MED6: variants seen among roughly 807,000 people sequenced by gnomAD.
MED6 encodes mediator of RNA polymerase II transcription subunit 6.
Under a neutral mutation model 37.5 loss-of-function variants are expected in MED6, and 33 were observed. That is an observed-to-expected ratio of 0.88 (90% CI 0.67 to 1.18). The LOEUF (loss-of-function observed/expected upper bound fraction) is 1.18, where lower values mean the gene tolerates loss of function less well. Ranked by LOEUF, MED6 falls within the 50% of genes most tolerant of loss-of-function variation. MED6 has a pLI of 0.00. For missense variants in MED6, 235 were observed against 290.6 expected, an observed-to-expected ratio of 0.81 and a Z score of 1.39; for synonymous variants, 94 against 93.6, an observed-to-expected ratio of 1.00 and a Z score of -0.02.
chr14:70,587,776 A>G lies in MED6; in HGVS notation c.583-1993T>C, dbSNP rs566729366. On this transcript the variant is annotated intron_variant, in intron 6 of 7. Transcript: ENST00000256379. Reference sequence around the variant, plus strand: ...ATAATCCTAGTTGAAGTAATATCCTATGGTATTCTAGCAGCTTCTAAAACC... The same window carrying G: ...ATAATCCTAGTTGAAGTAATATCCTGTGGTATTCTAGCAGCTTCTAAAACC... 1.9e-3 allele frequency among the ~76,000 whole-genome samples: 289 copies of G among 152,354 alleles called. 1 individual carries two copies. Among genetic ancestry groups the G allele is most frequent in the African/African-American group, 6.7e-3 (278 of 41,574 alleles).
At chr14:70,589,452 C>T (rs1884808627) in intron 6 of MED6, among the ~76,000 whole-genome samples, 1 of 152,154 alleles carries the variant, frequency 6.6e-6, no homozygotes, top group Non-Finnish European at 1.5e-5. Context: ...GGGTCCTTAT[C>T]ACCATCAGCA....
rs1320493011 is a variant in MED6 at position 70,597,789 on chromosome 14, A to G, written c.23-12T>C. The G allele has an allele frequency of 6.5e-7, 1 of 1,535,032 alleles. No homozygotes were observed. Among genetic ancestry groups the G allele is most frequent in the East Asian group, 2.5e-5 (1 of 40,198 alleles). ...TCCCAGCAGATTGTCTATGGGAAAG[A>G]AAACAAAATGATAAAGGATTAGAAA... On this transcript the variant is annotated splice_polypyrimidine_tract_variant and intron_variant, in intron 1 of 7. Coordinates refer to ENST00000256379, the MANE Select transcript of MED6 (RefSeq NM_005466.4).
At chr14:70,596,278 T>G in intron 3 of MED6, 1 of 208,786 alleles carries the variant, frequency 4.8e-6, no homozygotes, top group Non-Finnish European at 9.8e-6. Flanking sequence ...TGCAGCTGCA[T>G]TTCACTGCTG....
intron 1 of MED6, among the ~76,000 whole-genome samples, chr14:70,598,748 G>A (rs1394091773): frequency 6.6e-6 from 1 of 151,482 alleles, no homozygotes; most frequent in Admixed American, 6.6e-5. Context: ...TTTTTTATTG[G>A]AAATCCTTAA....
At chr14:70,596,477 G>A in intron 3 of MED6, 134 bp downstream of exon 3, 1 of 625,396 alleles carries the variant, frequency 1.6e-6, no homozygotes, top group East Asian at 2.8e-5. Flanking sequence ...GAGTCCTCCA[G>A]CATAGTACTG....
At position 70,595,625 on chromosome 14, in the gene MED6, C is replaced by T. The variant is rs190885921; in HGVS notation, c.274+986G>A. 3.4e-4 allele frequency: 296 copies of T among 876,892 alleles called. 3 individuals are homozygous for T. The East Asian group carries it at 6.3e-3, about 19-fold the overall frequency. 54.3% of individuals were successfully genotyped at this position (876,892 alleles called of 1,614,324 possible). ...AGAGGCAGCACCAGGCCCAGGAGTA[C>T]AAGGCCCTGCTGAACATCAAGGTCA... On this transcript the variant is annotated intron_variant, in intron 3 of 7. Coordinates refer to ENST00000256379, the MANE Select transcript of MED6 (RefSeq NM_005466.4).
At chr14:70,594,796 C>A in intron 3 of MED6, 1 of 591,060 alleles carries the variant, frequency 1.7e-6, no homozygotes, top group South Asian at 1.5e-5. Context: ...AGGAGGAGAC[C>A]ATGCAAAGCC....
In MED6 at chr14:70,584,771, A is replaced by G. The variant is rs1340385471; in HGVS notation, c.*42T>C. 5.0e-6 allele frequency: 8 copies of G among 1,598,968 alleles called. No individual in the cohort carries two copies. Among genetic ancestry groups the G allele is most frequent in the South Asian group, 1.1e-5 (1 of 88,056 alleles). On this transcript the variant is annotated 3_prime_UTR_variant, in exon 8 of 8. Coordinates refer to ENST00000256379, the MANE Select transcript of MED6 (RefSeq NM_005466.4). ...AGAGCCACAGTACTGAGGTATGATA[A>G]CTAGCATGAGGAGTCTTCCAGGCTT...
intron 3 of MED6, among the ~76,000 whole-genome samples, chr14:70,593,836 G>A (rs1038073578): frequency 1.3e-5 from 2 of 152,174 alleles, no homozygotes; most frequent in Non-Finnish European, 2.9e-5. Flanking sequence ...AGACTGGGGG[G>A]TCCAGTGTAA....
rs1885085886 is a variant in MED6, at chr14:70,597,739, T to C, written c.61A>G (p.Ile21Val). The part of the protein sequence containing the change: ...LGISWVDSSW[I>V]PILNSGSVLD... ...ACACTACCACTGTTCAAAATAGGGA[T>C]CCAAGAGCTGTCAACCCAAGAAATT... is the stretch of plus-strand genomic sequence containing the variant. Residue 21 changes from isoleucine to valine, a missense_variant, in exon 2 of 8, where the codon ATC (isoleucine) becomes GTC (valine). Coordinates refer to ENST00000256379, the MANE Select transcript of MED6 (RefSeq NM_005466.4). 1 of 1,554,530 alleles carries C rather than the reference T, an allele frequency of 6.4e-7. No homozygotes were observed.
At chr14:70,596,457 T>A (rs1283002504) in intron 3 of MED6, 154 bp downstream of exon 3, 1 of 557,824 alleles carries the variant, frequency 1.8e-6, no homozygotes, top group Non-Finnish European at 3.2e-6. Flanking sequence ...AACCATATGC[T>A]AAGTCTGGTG....
Position 70,587,281 on chromosome 14 carries a change from T to C in MED6, c.583-1498A>G, listed in dbSNP as rs931624193. ...GTCCTTTTCCCTTATGATCTGGCTA[T>C]ATACATCCTTGCTATATTATAGCAA... On this transcript the variant is annotated intron_variant, in intron 6 of 7. Transcript: ENST00000256379. Among the ~76,000 whole-genome samples the C allele has an allele frequency of 7.2e-5, 11 of 152,118 alleles. No individual in the cohort carries two copies. In the East Asian group the frequency reaches 1.5e-3, roughly 21 times the overall value.
chr14:70,598,335 C>A (rs560550529), intron 1 of MED6, among the ~76,000 whole-genome samples: 3 of 152,148 alleles, frequency 2.0e-5, no homozygotes, highest in African/African-American at 7.2e-5. Flanking sequence ...ATTAGCCGGG[C>A]ATGGTGGTGG....
At position 70,584,200 on chromosome 14, in the gene MED6, T is replaced by C. The variant is rs1047475044; in HGVS notation, c.*613A>G. ...ATGTCTTCAAAGTGCATCTGAAAAA[T>C]ATCAGTTATGATGAAGAAAAAAGTC... On this transcript the variant is annotated 3_prime_UTR_variant, in exon 8 of 8. Coordinates refer to ENST00000256379, the MANE Select transcript of MED6 (RefSeq NM_005466.4). 1 of 750,460 alleles carries C rather than the reference T, an allele frequency of 1.3e-6. No individual in the cohort carries two copies. The allele number at this position is 750,460 out of a possible 1,614,324, so 46.5% of individuals were successfully genotyped here.
chr14:70,594,819 G>T, intron 3 of MED6: 1 of 634,746 alleles, frequency 1.6e-6, no homozygotes, highest in Non-Finnish European at 2.9e-6. Context: ...AACCTACCCT[G>T]GTTCAATGCC....
intron 7 of MED6, 84 bp downstream of exon 7, chr14:70,585,672 T>G (rs959851826): frequency 1.6e-6 from 2 of 1,216,478 alleles, no homozygotes; most frequent in African/African-American, 3.2e-5. Flanking sequence ...TGACCACAGC[T>G]CATTTCACAT....
At chr14:70,586,927 G>C (rs1884725421) in intron 6 of MED6, among the ~76,000 whole-genome samples, 1 of 152,222 alleles carries the variant, frequency 6.6e-6, no homozygotes. Context: ...TAGAAACTTG[G>C]ATTTTTGGAG....
At chr14:70,598,453 C>T (rs934171551) in intron 1 of MED6, among the ~76,000 whole-genome samples, 5 of 151,428 alleles carry the variant, frequency 3.3e-5, no homozygotes, top group African/African-American at 9.7e-5. Flanking sequence ...CCAGCCTGGG[C>T]GACAGAGCGA....
In MED6 at chr14:70,584,803, T is replaced by C. The variant is rs1884654327; in HGVS notation, c.*10A>G. Reference sequence around the variant, plus strand: ...TGAGGAGTCTTCCAGGCTTCTCTTTTGTCCAGTACTCACTGAAGTCTCATC... The same window carrying C: ...TGAGGAGTCTTCCAGGCTTCTCTTTCGTCCAGTACTCACTGAAGTCTCATC... On this transcript the variant is annotated 3_prime_UTR_variant, in exon 8 of 8. Coordinates refer to ENST00000256379, the MANE Select transcript of MED6 (RefSeq NM_005466.4). The C allele has an allele frequency of 5.0e-6, 8 of 1,610,364 alleles. No homozygotes were observed. The highest frequency in any genetic ancestry group is 6.8e-6 in the Non-Finnish European group (8 of 1,178,936).
Sources: gnomAD v4.1 joint callset for allele counts (sites outside exome capture counted in the v4.1 genomes callset) on GRCh38, gnomAD v4.1.1 for gene constraint, MANE v1.5 for transcripts, NCBI Gene and HGNC (gene_info 2026-07-23, HGNC 2026-07-21) for gene names.